The following KIAA0319L variants were observed in gnomAD, a reference collection of about 807,000 sequenced individuals.
The protein encoded by KIAA0319L is KIAA0319 like.
A neutral mutation model predicts 120.1 loss-of-function variants in KIAA0319L; 55 were observed. That is an observed-to-expected ratio of 0.46 (90% CI 0.37 to 0.57). KIAA0319L has a LOEUF of 0.57. Among genes scored for constraint, KIAA0319L ranks in the 20% least tolerant of loss-of-function variants. KIAA0319L has a pLI of 0.00. For missense variants in KIAA0319L, 1,049 were observed against 1,255.3 expected (o/e 0.84, Z 2.48); for synonymous variants, 398 against 471.9 (o/e 0.84, Z 2.03).
At chr1:35,497,385 TATGTA>T (rs1433270303) in intron 3 of KIAA0319L, among the ~76,000 whole-genome samples, 1 of 152,192 alleles carries the variant, frequency 6.6e-6, no homozygotes, top group Non-Finnish European at 1.5e-5. Context: ...AAAGAATACG[TATGTA>T]ATGTATGATT....
chr1:35,443,096 C>T (rs1201784917), intron 17 of KIAA0319L, 68 bp from the exon 18 acceptor site: 3 of 1,592,328 alleles, frequency 1.9e-6, no homozygotes, highest in Non-Finnish European at 8.6e-7. Context: ...GCACCTAGAG[C>T]CCATGAGGGC....
rs188508198 is a variant in KIAA0319L at position 35,434,243 on chromosome 1, C to G, written c.*651G>C. On this transcript the variant is annotated 3_prime_UTR_variant, in exon 21 of 21. Transcript: ENST00000325722. Reference sequence around the variant, plus strand: ...GGGATTACAGGCATACGCCACCAAACCCGGCTAATTTTTTTTTTTATTTTT... The same window carrying G: ...GGGATTACAGGCATACGCCACCAAAGCCGGCTAATTTTTTTTTTTATTTTT... 1 of 152,304 alleles carries G rather than the reference C, an allele frequency of 6.6e-6. No individual in the cohort carries two copies. The highest frequency in any genetic ancestry group is 2.4e-5 in the African/African-American group (1 of 41,530). The allele number at this position is 152,304 out of a possible 1,614,324, so 9.4% of individuals were successfully genotyped here.
At chr1:35,552,645 T>C (rs1478982859) in intron 2 of KIAA0319L, among the ~76,000 whole-genome samples, 1 of 151,996 alleles carries the variant, frequency 6.6e-6, no homozygotes, top group Non-Finnish European at 1.5e-5. Flanking sequence ...AAATGTGATT[T>C]ACACCAGGCA....
chr1:35,477,686 A>G (rs1173697097), intron 4 of KIAA0319L, among the ~76,000 whole-genome samples: 4 of 151,620 alleles, frequency 2.6e-5, no homozygotes, highest in Non-Finnish European at 5.9e-5. Context: ...AAAAAAAAAA[A>G]AACCTACAGT....
chr1:35,550,606 T>G (rs1647164852), intron 2 of KIAA0319L, among the ~76,000 whole-genome samples: 1 of 152,238 alleles, frequency 6.6e-6, no homozygotes, highest in African/African-American at 2.4e-5. Context: ...TGTTTCAGAC[T>G]GTTTTCTATT....
At chr1:35,548,921 C>G (rs554106706) in intron 2 of KIAA0319L, among the ~76,000 whole-genome samples, 1 of 152,326 alleles carries the variant, frequency 6.6e-6, no homozygotes, top group Non-Finnish European at 1.5e-5. Flanking sequence ...CAAATTCAAC[C>G]TTCACAACTC....
Position 35,474,941 on chromosome 1 carries a change from T to C in KIAA0319L, c.914-35A>G, listed in dbSNP as rs1158883708. 3 of 1,166,746 alleles carry C rather than the reference T, an allele frequency of 2.6e-6. No homozygotes were observed. In the Admixed American group the frequency reaches 5.2e-5, roughly 20 times the overall value. 72.3% of individuals were successfully genotyped at this position (1,166,746 alleles called of 1,614,324 possible). A position where few individuals can be genotyped will look rare whatever the true frequency, so the allele number is the denominator to read the frequency against. ...AAGTAAATATACCAGAGATAAGAAA[T>C]AGATCCAGACTGTCTTATTTCTCTC... On this transcript the variant is annotated intron_variant, in intron 4 of 20. Coordinates refer to ENST00000325722, the MANE Select transcript of KIAA0319L (RefSeq NM_024874.5).
At chr1:35,468,301 C>A (rs1643404039) in intron 6 of KIAA0319L, among the ~76,000 whole-genome samples, 1 of 152,148 alleles carries the variant, frequency 6.6e-6, no homozygotes, top group Non-Finnish European at 1.5e-5. Flanking sequence ...TTCCTCTACC[C>A]TCCATCCCTT....
At chr1:35,533,105 A>G (rs1646436482) in intron 2 of KIAA0319L, 1 of 152,254 alleles carries the variant, frequency 6.6e-6, no homozygotes, top group Admixed American at 6.5e-5. Flanking sequence ...AATTCATTAA[A>G]TACTTTTAGA....
intron 2 of KIAA0319L, among the ~76,000 whole-genome samples, chr1:35,547,415 T>G (rs543760613): frequency 6.6e-6 from 1 of 151,858 alleles, no homozygotes; most frequent in Admixed American, 6.6e-5. Context: ...TAAAAACATA[T>G]GTTCACACAA....
intron 2 of KIAA0319L, among the ~76,000 whole-genome samples, chr1:35,528,428 T>A (rs936091323): frequency 6.6e-6 from 1 of 152,242 alleles, no homozygotes; most frequent in Admixed American, 6.5e-5. Context: ...TGTATTTGTA[T>A]AGTTTCTAAG....
At chr1:35,459,530 G>GA (rs1642737295) in intron 9 of KIAA0319L, among the ~76,000 whole-genome samples, 1 of 151,752 alleles carries the variant, frequency 6.6e-6, no homozygotes, top group South Asian at 2.1e-4. Context: ...CCGGGAGGCA[G>GA]AGCTTGCAGT....
intron 11 of KIAA0319L, 64 bp downstream of exon 11, chr1:35,454,298 C>T: frequency 6.3e-7 from 1 of 1,589,284 alleles, no homozygotes; most frequent in Non-Finnish European, 8.6e-7. Flanking sequence ...ACCCAACACT[C>T]TTTTCCCCCA....
At chr1:35,491,275 G>C (rs1644582955) in intron 3 of KIAA0319L, among the ~76,000 whole-genome samples, 1 of 152,134 alleles carries the variant, frequency 6.6e-6, no homozygotes, top group African/African-American at 2.4e-5. Context: ...GAGAGGGACA[G>C]AAAAATATTT....
Position 35,437,848 on chromosome 1 carries a change from A to C in KIAA0319L, c.2963-2767T>G, listed in dbSNP as rs1237193597. ...AGTTCCATGTCTGACTCTTCTGCTG[A>C]GTTCCATTTAATTCATCTTCTCTTA... On this transcript the variant is annotated intron_variant, in intron 20 of 20. Transcript: ENST00000325722. This position sits in a 1 kb window ranked among gnomAD's most constrained non-coding sequence, Gnocchi z 4.1. 6.6e-6 allele frequency among the ~76,000 whole-genome samples: 1 copy of C among 152,020 alleles called. No homozygotes were observed. Among genetic ancestry groups the C allele is most frequent in the Non-Finnish European group, 1.5e-5 (1 of 68,010 alleles).
At chr1:35,552,382 T>C (rs1372277089) in intron 2 of KIAA0319L, among the ~76,000 whole-genome samples, 1 of 151,990 alleles carries the variant, frequency 6.6e-6, no homozygotes, top group East Asian at 1.9e-4. Flanking sequence ...ACATCCCCTA[T>C]GGTTGGAAGG....
At chr1:35,441,508 A>T (rs1641215540) in intron 19 of KIAA0319L, among the ~76,000 whole-genome samples, 1 of 152,096 alleles carries the variant, frequency 6.6e-6, no homozygotes, top group South Asian at 2.1e-4. Context: ...GGGAATTTTT[A>T]AAAATTCCTT....
chr1:35,513,081 C>T (rs1424919366), intron 2 of KIAA0319L, among the ~76,000 whole-genome samples: 1 of 150,852 alleles, frequency 6.6e-6, no homozygotes, highest in African/African-American at 2.4e-5. Context: ...AACTTAACAG[C>T]CCACAAAGCC....
At chr1:35,471,642 T>G (rs1265522448) in intron 5 of KIAA0319L, among the ~76,000 whole-genome samples, 1 of 152,104 alleles carries the variant, frequency 6.6e-6, no homozygotes, top group Non-Finnish European at 1.5e-5. Flanking sequence ...CCAGAAAAAG[T>G]AGTCTTAAAT....
Sources: allele counts gnomAD v4.1 joint callset (sites outside exome capture counted in the v4.1 genomes callset), GRCh38; gene constraint gnomAD v4.1.1; non-coding constraint Gnocchi (gnomAD v3.1); transcripts MANE v1.5; gene names NCBI Gene and HGNC (gene_info 2026-07-23, HGNC 2026-07-21).